The following HS1BP3 variants were observed in gnomAD, a reference collection of about 807,000 sequenced individuals.
HS1BP3 encodes HCLS1-binding protein 3.
A neutral mutation model predicts 33.5 loss-of-function variants in HS1BP3; 32 were observed. That is an observed-to-expected ratio of 0.95 (90% CI 0.72 to 1.28). The LOEUF is 1.28. Among genes scored for constraint, HS1BP3 ranks in the 50% most tolerant of loss-of-function variants. The probability of loss-of-function intolerance (pLI) is 0.00; values close to 1 mark genes in which losing one functional copy is unlikely to be tolerated. For synonymous variants in HS1BP3, 187 were observed against 209.2 expected (o/e 0.89, Z 0.92); for missense variants, 486 against 502.3 (o/e 0.97, Z 0.31).
intron 5 of HS1BP3, among the ~76,000 whole-genome samples, chr2:20,573,703 T>C (rs561973240): frequency 3.3e-5 from 5 of 152,336 alleles, no homozygotes; most frequent in African/African-American, 1.2e-4. Flanking sequence ...TTTAAGTTGT[T>C]TTCCTCCTTC....
At chr2:20,588,611 A>AGAG (rs1693738664), downstream of HS1BP3, among the ~76,000 whole-genome samples, 1 of 152,176 alleles carries the variant, frequency 6.6e-6, no homozygotes, top group Admixed American at 6.5e-5. Context: ...ACACAGGTGA[A>AGAG]CCACCACGCC....
At chr2:20,627,799 GCC>G (rs1471456840) in intron 4 of HS1BP3, among the ~76,000 whole-genome samples, 3 of 152,086 alleles carry the variant, frequency 2.0e-5, no homozygotes, top group Non-Finnish European at 4.4e-5. Context: ...GTGCCTAAAA[GCC>G]CCAGGGTCCT....
intron 2 of HS1BP3, among the ~76,000 whole-genome samples, chr2:20,600,437 C>G (rs1162387018): frequency 6.6e-6 from 1 of 152,202 alleles, no homozygotes; most frequent in Non-Finnish European, 1.5e-5. Context: ...TTTCAAGTCA[C>G]AGAGAACCCA....
chr2:20,640,365 G>T (rs995943208), intron 3 of HS1BP3: 4 of 174,564 alleles, frequency 2.3e-5, no homozygotes, highest in African/African-American at 9.4e-5. Flanking sequence ...CTATCAGCCA[G>T]GCTACTCCCA....
chr2:20,578,820 T>C (rs1177881260), intron 5 of HS1BP3, among the ~76,000 whole-genome samples: 3 of 151,924 alleles, frequency 2.0e-5, no homozygotes, highest in Non-Finnish European at 2.9e-5. Flanking sequence ...AGTCCCTGGG[T>C]GTGTAGCTGT....
At chr2:20,590,534 G>A (rs180880923), downstream of HS1BP3, among the ~76,000 whole-genome samples, 86 of 152,322 alleles carry the variant, frequency 5.6e-4, no homozygotes, top group Admixed American at 3.3e-4. Context: ...TCCAGCTGTT[G>A]CTCTGTCAAC....
chr2:20,622,436 G>C (rs1694635346), intron 6 of HS1BP3: 1 of 674,686 alleles, frequency 1.5e-6, no homozygotes, highest in Non-Finnish European at 2.3e-6. Context: ...CGCTCTGCGG[G>C]ATGCTAAGGG....
At chr2:20,643,202 C>T (rs763103399) in intron 2 of HS1BP3, among the ~76,000 whole-genome samples, 26 of 152,332 alleles carry the variant, frequency 1.7e-4, no homozygotes, top group East Asian at 5.8e-4. Flanking sequence ...ACACACTCCA[C>T]GAGGAGTGGG....
Position 20,619,167 on chromosome 2 carries a change from T to C in HS1BP3, c.999A>G (p.Pro333=), listed in dbSNP as rs1162474895. The C allele has an allele frequency of 1.2e-6, 2 of 1,614,022 alleles. No individual in the cohort carries two copies. Among genetic ancestry groups the C allele is most frequent in the Non-Finnish European group, 1.7e-6 (2 of 1,180,022 alleles). The change falls in exon 7 of 7, where the codon CCA becomes CCG. Residue 333 remains proline (P), a synonymous_variant. Coordinates refer to ENST00000304031, the MANE Select transcript of HS1BP3 (RefSeq NM_022460.4). The part of the protein sequence containing the change: ...KPKPQLKPKP[P]VAAKPVIPRK... ...TGGGTATCACCGGCTTAGCTGCCAC[T>C]GGTGGCTTGGGCTTAAGCTGGGGCT...
Position 20,573,838 on chromosome 2 carries a change from T to C in HS1BP3, c.303-13323A>G, listed in dbSNP as rs141378964. Among the ~76,000 whole-genome samples the C allele has an allele frequency of 3.3e-3, 508 of 152,324 alleles. 6 individuals carry two copies. Among genetic ancestry groups the C allele is most frequent in the African/African-American group, 0.012 (496 of 41,566 alleles). On this transcript the variant is annotated intron_variant, in intron 5 of 5. Coordinates refer to the HS1BP3 transcript ENST00000446825. ...TGACCTCGAGGTAACTTCAGACTCC[T>C]TGTGAGACACAACACCGCCATCCCC...
downstream of HS1BP3, among the ~76,000 whole-genome samples, chr2:20,616,225 G>A (rs770669750): frequency 1.8e-4 from 27 of 152,232 alleles, no homozygotes; most frequent in Admixed American, 3.3e-4. Flanking sequence ...CAGGAGCCAG[G>A]ACTCCAGCTC....
rs747575615 is a variant in HS1BP3 at position 20,596,741 on chromosome 2, CCTT to C, written c.*12+1464_*12+1466del. 1.9e-4 allele frequency among the ~76,000 whole-genome samples: 29 copies of C among 152,334 alleles called. No homozygotes were observed. The East Asian group carries it at 1.9e-3, about 10-fold the overall frequency. On this transcript the variant is annotated intron_variant, in intron 3 of 3. Transcript: ENST00000415264. ...TTCCCCTTTCTGTGCTGTACTCTGT[CCTT>C]CTACCCATCACAGCCTTCCTCCTGC... is the stretch of plus-strand genomic sequence containing the variant.
rs538215963 is a variant in HS1BP3, at chr2:20,638,727, C to G, written c.407-75G>C. On this transcript the variant is annotated intron_variant, in intron 3 of 6. Transcript: ENST00000304031. ...GGGGAGGCATCTTGCCACACTGCAC[C>G]CTCCCATGCCAGGATCTGAGGCCGA... 2.0e-5 allele frequency: 23 copies of G among 1,161,630 alleles called. No homozygotes were observed. In the East Asian group the frequency reaches 5.5e-4, roughly 28 times the overall value. 72.0% of individuals were successfully genotyped at this position (1,161,630 alleles called of 1,614,324 possible). A position where few individuals can be genotyped will look rare whatever the true frequency, so the allele number is the denominator to read the frequency against.
chr2:20,585,433 C>T (rs2053184), intron 5 of HS1BP3, among the ~76,000 whole-genome samples: 144,804 of 152,274 alleles, frequency 0.95, 69,295 homozygotes, highest in East Asian at 1. Context: ...ACAAGCATAA[C>T]TGAATCCCTA....
the HS1BP3 span, among the ~76,000 whole-genome samples, chr2:20,553,928 G>GT: frequency 1.3e-5 from 2 of 152,314 alleles, no homozygotes; most frequent in East Asian, 3.9e-4. Context: ...GAGGATTCTG[G>GT]TGGAAGCCAT....
chr2:20,617,339 G>A (rs193224512), downstream of HS1BP3, among the ~76,000 whole-genome samples: 101 of 152,334 alleles, frequency 6.6e-4, 1 homozygote, highest in Middle Eastern at 3.4e-3. Flanking sequence ...GGGTGGAGCC[G>A]GTGCTGGAGC....
At chr2:20,559,612 A>G (rs985951569), downstream of HS1BP3, among the ~76,000 whole-genome samples, 1 of 146,982 alleles carries the variant, frequency 6.8e-6, no homozygotes, top group South Asian at 2.2e-4. Flanking sequence ...GGATGGGTGG[A>G]TGAATGGATG....
chr2:20,607,959 T>A (rs1238686285), intron 2 of HS1BP3, among the ~76,000 whole-genome samples: 1 of 152,220 alleles, frequency 6.6e-6, no homozygotes, highest in Non-Finnish European at 1.5e-5. Context: ...AATGTTCAAG[T>A]CTTCCCCTCC....
At chr2:20,640,443 C>T (rs1695302949) in intron 3 of HS1BP3, 1 of 251,496 alleles carries the variant, frequency 4.0e-6, no homozygotes, top group South Asian at 1.6e-4. Flanking sequence ...CTTGACGTCT[C>T]CACCACTGGG....
Sources: allele counts gnomAD v4.1 joint callset (sites outside exome capture counted in the v4.1 genomes callset), GRCh38; gene constraint gnomAD v4.1.1; transcripts MANE v1.5; gene names NCBI Gene and HGNC (gene_info 2026-07-23, HGNC 2026-07-21).